Variants in CELF2 observed in about 807,000 individuals in gnomAD.
CELF2 encodes the protein CUG triplet repeat RNA-binding protein 2.
Under a neutral mutation model 62.6 loss-of-function variants are expected in CELF2, and 8 were observed. The observed-to-expected ratio is 0.13, with a 90% CI of 0.07 to 0.23. The LOEUF is 0.23. Ranked by LOEUF, CELF2 falls within the 10% of genes least tolerant of loss-of-function variation. The pLI is 1.00. For missense variants in CELF2, 333 were observed against 671.0 expected (o/e 0.50, Z 5.56); for synonymous variants, 258 against 250.0 (o/e 1.03, Z -0.30).
intron 1 of CELF2, among the ~76,000 whole-genome samples, chr10:10,906,960 A>AC (rs2063400160): frequency 2.0e-5 from 3 of 150,892 alleles, no homozygotes; most frequent in African/African-American, 7.3e-5. Flanking sequence ...CTCGTGATCC[A>AC]CCCCCCTCAG....
chr10:10,475,202 T>G, the CELF2 span, among the ~76,000 whole-genome samples: 4 of 152,108 alleles, frequency 2.6e-5, no homozygotes, highest in East Asian at 7.7e-4. Context: ...TGTACGTCTC[T>G]GATTCTGGGA....
chr10:10,669,907 T>C, the CELF2 span, among the ~76,000 whole-genome samples: 361 of 148,970 alleles, frequency 2.4e-3, 1 homozygote, highest in Middle Eastern at 0.027. Context: ...GCCTTTTTTT[T>C]TTTTTTTTTT....
chr10:10,471,056 T>C, the CELF2 span, among the ~76,000 whole-genome samples: 1 of 151,634 alleles, frequency 6.6e-6, no homozygotes, highest in Admixed American at 6.6e-5. Context: ...TCCCAGATAC[T>C]TAGGGCCATT....
At chr10:10,919,844 T>G (rs1376093579) in intron 1 of CELF2, 3 of 549,760 alleles carry the variant, frequency 5.5e-6, no homozygotes, top group Non-Finnish European at 8.2e-6. Context: ...TCTAACCACC[T>G]GCATGTACGG....
chr10:10,685,473 TATA>T, the CELF2 span, among the ~76,000 whole-genome samples: 3 of 150,422 alleles, frequency 2.0e-5, no homozygotes, highest in African/African-American at 7.3e-5. Flanking sequence ...AGCCGTAACT[TATA>T]ATGACAATGG....
chr10:10,726,518 C>T, the CELF2 span, among the ~76,000 whole-genome samples: 27 of 152,162 alleles, frequency 1.8e-4, no homozygotes, highest in Non-Finnish European at 2.9e-4. Flanking sequence ...CACCGACCTG[C>T]CTTTCTCTCT....
chr10:11,238,307 T>C (rs2072346688), intron 3 of CELF2, among the ~76,000 whole-genome samples: 1 of 152,234 alleles, frequency 6.6e-6, no homozygotes, highest in African/African-American at 2.4e-5. Context: ...TAATTGTAGC[T>C]GTCATAGTAC....
the CELF2 span, among the ~76,000 whole-genome samples, chr10:10,679,979 T>C: frequency 1.3e-5 from 2 of 152,138 alleles, no homozygotes; most frequent in African/African-American, 4.8e-5. Flanking sequence ...ATATTATAAA[T>C]ACAGAAGAGT....
the CELF2 span, among the ~76,000 whole-genome samples, chr10:10,479,035 C>T: frequency 6.6e-6 from 1 of 152,146 alleles, no homozygotes; most frequent in South Asian, 2.1e-4. Context: ...CGCTTGTCTG[C>T]TCTGATTTTT....
chr10:10,468,243 T>C, the CELF2 span, among the ~76,000 whole-genome samples: 1 of 151,988 alleles, frequency 6.6e-6, no homozygotes. Context: ...GATACTATCT[T>C]TCTTTGGCCC....
the CELF2 span, among the ~76,000 whole-genome samples, chr10:10,751,297 G>A: frequency 3.1e-3 from 477 of 152,294 alleles, no homozygotes; most frequent in African/African-American, 0.011. Flanking sequence ...AACTCACTGC[G>A]TTCCATGAGG....
the CELF2 span, among the ~76,000 whole-genome samples, chr10:10,743,522 A>G: frequency 1.3e-5 from 2 of 152,250 alleles, no homozygotes; most frequent in African/African-American, 2.4e-5. Context: ...CCAAACTCAT[A>G]TTTGAGGATT....
chr10:10,715,104 G>C, the CELF2 span, among the ~76,000 whole-genome samples: 1 of 152,108 alleles, frequency 6.6e-6, no homozygotes, highest in Admixed American at 6.5e-5. Context: ...TAAAAATAAA[G>C]CATCTCTGAA....
At chr10:10,703,894 T>G in the CELF2 span, among the ~76,000 whole-genome samples, 2 of 152,322 alleles carry the variant, frequency 1.3e-5, no homozygotes, top group African/African-American at 4.8e-5. Flanking sequence ...AGCAGTGTAG[T>G]AGGCTGGGAT....
At chr10:11,103,103 A>C (rs1047254627) in intron 1 of CELF2, among the ~76,000 whole-genome samples, 8 of 152,164 alleles carry the variant, frequency 5.3e-5, no homozygotes, top group Admixed American at 5.2e-4. Flanking sequence ...GTGCCTCACA[A>C]TGCGGCTGCA....
the CELF2 span, among the ~76,000 whole-genome samples, chr10:10,465,528 G>C: frequency 6.6e-6 from 1 of 152,138 alleles, no homozygotes; most frequent in East Asian, 1.9e-4. Flanking sequence ...AAATTCTTAT[G>C]GATGTAAGTA....
the CELF2 span, among the ~76,000 whole-genome samples, chr10:10,732,399 G>A: frequency 3.9e-5 from 6 of 152,106 alleles, no homozygotes; most frequent in African/African-American, 1.4e-4. Flanking sequence ...TTTCCATAAA[G>A]GGAATTCCCC....
chr10:10,877,067 A>G (rs191598368), intron 1 of CELF2, among the ~76,000 whole-genome samples: 126 of 152,344 alleles, frequency 8.3e-4, no homozygotes, highest in Middle Eastern at 3.4e-3. Flanking sequence ...GCATCTAAAG[A>G]TGTGGCTCCA....
At position 11,285,532 on chromosome 10, in the gene CELF2, G is replaced by T. The variant is rs780767959; in HGVS notation, c.842-2886G>T. Among the ~76,000 whole-genome samples, 1 of 152,202 alleles carries T rather than the reference G, an allele frequency of 6.6e-6. No individual in the cohort carries two copies. Among genetic ancestry groups the T allele is most frequent in the Non-Finnish European group, 1.5e-5 (1 of 68,026 alleles). On this transcript the variant is annotated intron_variant, in intron 8 of 12. Coordinates refer to ENST00000633077, the MANE Select transcript of CELF2 (RefSeq NM_001326342.2). The surrounding 1 kb of genome is among the most constrained non-coding windows in gnomAD (Gnocchi z 4.3). ...AAGGAGCGGGCAGTGGAGAGAACCT[G>T]AGTGCTGTCAGCTCAGTTCCAGGAC...
Sources: gnomAD v4.1 joint callset for allele counts (sites outside exome capture counted in the v4.1 genomes callset) on GRCh38, gnomAD v4.1.1 for gene constraint, Gnocchi (gnomAD v3.1) non-coding constraint, MANE v1.5 for transcripts, NCBI Gene and HGNC (gene_info 2026-07-23, HGNC 2026-07-21) for gene names.